PDS5B: variants seen among roughly 807,000 people sequenced by gnomAD.
PDS5B encodes the protein PDS5 cohesin associated factor B.
In PDS5B, 51 loss-of-function variants were observed where a neutral mutation model predicts 184.1. The observed-to-expected ratio is 0.28, with a 90% CI of 0.22 to 0.35. The LOEUF (loss-of-function observed/expected upper bound fraction) is 0.35, where lower values mean the gene tolerates loss of function less well. Ranked by LOEUF, PDS5B falls within the 10% of genes least tolerant of loss-of-function variation. PDS5B has a pLI of 1.00. For missense variants in PDS5B, 1,180 were observed against 1,723.3 expected, an observed-to-expected ratio of 0.68 and a Z score of 5.58; for synonymous variants, 566 against 569.2, an observed-to-expected ratio of 0.99 and a Z score of 0.08.
intron 15 of PDS5B, 45 bp downstream of exon 15, chr13:32,696,947 A>T: frequency 8.7e-7 from 1 of 1,148,606 alleles, no homozygotes; most frequent in Non-Finnish European, 1.3e-6. Context: ...TTTTATTGGA[A>T]CATTTTTTAT....
At chr13:32,656,998 T>C (rs1391050565) in intron 3 of PDS5B, among the ~76,000 whole-genome samples, 2 of 152,222 alleles carry the variant, frequency 1.3e-5, no homozygotes, top group African/African-American at 2.4e-5. Context: ...TATGGCTTAT[T>C]ATGTGGTCAG....
chr13:32,701,268 A>T, intron 16 of PDS5B, 55 bp from the exon 17 acceptor site: 1 of 900,218 alleles, frequency 1.1e-6, no homozygotes, highest in Non-Finnish European at 1.8e-6. Context: ...TAATATTTTA[A>T]CATAATGATT....
intron 1 of PDS5B, among the ~76,000 whole-genome samples, chr13:32,621,056 T>G (rs182994715): frequency 1.3e-5 from 2 of 152,226 alleles, no homozygotes; most frequent in East Asian, 3.9e-4. Flanking sequence ...TTGTGGAAAA[T>G]TCTGTTAGTG....
Position 32,777,043 on chromosome 13 carries a change from A to G in PDS5B, c.*1991A>G, listed in dbSNP as rs1327369909. 1 of 152,280 alleles carries G rather than the reference A, an allele frequency of 6.6e-6. No individual in the cohort carries two copies. Among genetic ancestry groups the G allele is most frequent in the Non-Finnish European group, 1.5e-5 (1 of 67,896 alleles). The allele number at this position is 152,280 out of a possible 1,614,324, so 9.4% of individuals were successfully genotyped here. On this transcript the variant is annotated 3_prime_UTR_variant, in exon 35 of 35. Coordinates refer to ENST00000315596, the MANE Select transcript of PDS5B (RefSeq NM_015032.4). Reference sequence around the variant, plus strand: ...TTCAGCAGTACAAAGGCATGTTTTAAAATCTATAACATAAAGAATAAGGAA... The same window carrying G: ...TTCAGCAGTACAAAGGCATGTTTTAGAATCTATAACATAAAGAATAAGGAA...
intron 3 of PDS5B, among the ~76,000 whole-genome samples, chr13:32,653,011 A>T (rs1034130256): frequency 7.9e-5 from 12 of 152,116 alleles, no homozygotes; most frequent in Non-Finnish European, 1.5e-5. Context: ...ATAAAAGATA[A>T]TTGTGGAGTC....
At chr13:32,687,110 TAA>T in intron 11 of PDS5B, 22 bp from the exon 12 acceptor site, 1 of 1,562,092 alleles carries the variant, frequency 6.4e-7, no homozygotes, top group South Asian at 1.2e-5. Flanking sequence ...TTTTACATTA[TAA>T]ATAAAACTTT....
intron 21 of PDS5B, among the ~76,000 whole-genome samples, chr13:32,738,539 A>G (rs1482702335): frequency 1.3e-5 from 2 of 151,978 alleles, no homozygotes; most frequent in Non-Finnish European, 2.9e-5. Flanking sequence ...TTTTTTTCCC[A>G]TAGGCAATCT....
At chr13:32,608,294 T>C (rs1272354539) in intron 1 of PDS5B, among the ~76,000 whole-genome samples, 1 of 152,120 alleles carries the variant, frequency 6.6e-6, no homozygotes, top group Non-Finnish European at 1.5e-5. Flanking sequence ...TAACCCCAAC[T>C]GACTTTTAAA....
At position 32,777,114 on chromosome 13, in the gene PDS5B, A is replaced by C. The variant is rs1228408780; in HGVS notation, c.*2062A>C. ...TGATTAAATTGCACCAGAAATGTTT[A>C]TGGAAATATTAAGAACATTTTATAA... On this transcript the variant is annotated 3_prime_UTR_variant, in exon 35 of 35. Coordinates refer to ENST00000315596, the MANE Select transcript of PDS5B (RefSeq NM_015032.4). 6.6e-6 allele frequency: 1 copy of C among 152,088 alleles called. No homozygotes were observed. The highest frequency in any genetic ancestry group is 2.4e-5 in the African/African-American group (1 of 41,462). 9.4% of individuals were successfully genotyped at this position (152,088 alleles called of 1,614,324 possible).
chr13:32,639,766 C>T (rs1411135555), intron 1 of PDS5B, among the ~76,000 whole-genome samples: 2 of 152,210 alleles, frequency 1.3e-5, no homozygotes, highest in Non-Finnish European at 2.9e-5. Flanking sequence ...TTATATCAGA[C>T]TCTTTACAAA....
intron 3 of PDS5B, chr13:32,652,673 C>T (rs1193979355): frequency 6.7e-6 from 1 of 149,216 alleles, no homozygotes; most frequent in Non-Finnish European, 1.5e-5. Flanking sequence ...GGGAGGAGTG[C>T]TTGAACCCCC....
chr13:32,639,713 G>C (rs1042807565), intron 1 of PDS5B, among the ~76,000 whole-genome samples: 2 of 152,178 alleles, frequency 1.3e-5, no homozygotes, highest in Non-Finnish European at 2.9e-5. Context: ...ACCATCTGCT[G>C]GTTGCAAGAG....
At chr13:32,739,915 A>G (rs1248711576) in intron 21 of PDS5B, among the ~76,000 whole-genome samples, 1 of 151,960 alleles carries the variant, frequency 6.6e-6, no homozygotes, top group East Asian at 1.9e-4. Flanking sequence ...TGGCTTTATT[A>G]TTTATAAATC....
At chr13:32,605,525 G>C (rs894648521) in intron 1 of PDS5B, among the ~76,000 whole-genome samples, 1 of 152,210 alleles carries the variant, frequency 6.6e-6, no homozygotes, top group African/African-American at 2.4e-5. Context: ...GTGCGATGTG[G>C]TGCTGAGAAG....
intron 1 of PDS5B, among the ~76,000 whole-genome samples, chr13:32,626,320 G>C (rs1281327898): frequency 6.6e-6 from 1 of 152,168 alleles, no homozygotes; most frequent in Non-Finnish European, 1.5e-5. Context: ...ACTACAAACA[G>C]AACTTTGCTT....
chr13:32,591,099 T>G (rs936743042), intron 1 of PDS5B, among the ~76,000 whole-genome samples: 1 of 151,966 alleles, frequency 6.6e-6, no homozygotes, highest in Non-Finnish European at 1.5e-5. Flanking sequence ...ACTGTTGTAC[T>G]GTAATTTACT....
chr13:32,705,194 GCTTCA>G (rs1397245673), intron 17 of PDS5B, among the ~76,000 whole-genome samples: 1 of 151,770 alleles, frequency 6.6e-6, no homozygotes, highest in Non-Finnish European at 1.5e-5. Flanking sequence ...TTTTTTACTT[GCTTCA>G]CTTCACTGAG....
intron 1 of PDS5B, among the ~76,000 whole-genome samples, chr13:32,608,923 A>G (rs1008048348): frequency 2.0e-5 from 3 of 152,186 alleles, no homozygotes; most frequent in African/African-American, 4.8e-5. Context: ...AAATGTGGCT[A>G]CTGCTTCACT....
chr13:32,683,755 AATTTTCTT>A, intron 10 of PDS5B, 115 bp from the exon 11 acceptor site: 2 of 588,118 alleles, frequency 3.4e-6, no homozygotes, highest in East Asian at 6.7e-5. Flanking sequence ...CTGGGCTCTT[AATTTTCTT>A]GAAACTTCTA....
Sources: gnomAD v4.1 joint callset for allele counts (sites outside exome capture counted in the v4.1 genomes callset) on GRCh38, gnomAD v4.1.1 for gene constraint, MANE v1.5 for transcripts, NCBI Gene and HGNC (gene_info 2026-07-23, HGNC 2026-07-21) for gene names.